The following TGFBRAP1 variants were observed in gnomAD, a reference collection of about 807,000 sequenced individuals.
The protein encoded by TGFBRAP1 is transforming growth factor beta receptor associated protein 1, also known as transforming growth factor-beta receptor-associated protein 1.
In TGFBRAP1, 20 loss-of-function variants were observed where a neutral mutation model predicts 83.2. The ratio of observed to expected loss-of-function variants is 0.24; its 90% CI spans 0.17 to 0.35. The LOEUF (loss-of-function observed/expected upper bound fraction) is 0.35. Ranked by LOEUF, TGFBRAP1 falls within the 10% of genes least tolerant of loss-of-function variation. The pLI is 1.00. For synonymous variants in TGFBRAP1, 415 were observed against 459.8 expected, an observed-to-expected ratio of 0.90 and a Z score of 1.25; for missense variants, 950 against 1,099.4, an observed-to-expected ratio of 0.86 and a Z score of 1.92.
chr2:105,276,207 C>T (rs180907505), intron 7 of TGFBRAP1, among the ~76,000 whole-genome samples: 91 of 152,302 alleles, frequency 6.0e-4, no homozygotes, highest in African/African-American at 2.1e-3. Context: ...TTCACACTGC[C>T]TTTTGCACAG....
intron 1 of TGFBRAP1, among the ~76,000 whole-genome samples, chr2:105,314,813 G>A (rs1678801204): frequency 6.6e-6 from 1 of 151,658 alleles, no homozygotes; most frequent in Non-Finnish European, 1.5e-5. Context: ...AGCCAGGCGT[G>A]GTGGCAGGCA....
intron 4 of TGFBRAP1, among the ~76,000 whole-genome samples, chr2:105,288,034 C>T (rs774559100): frequency 2.0e-5 from 3 of 151,938 alleles, no homozygotes; most frequent in Admixed American, 6.6e-5. Flanking sequence ...AGTGGTGAGG[C>T]GTGGATAAGG....
chr2:105,272,681 G>C (rs1346874999), intron 10 of TGFBRAP1, among the ~76,000 whole-genome samples, 174 bp downstream of exon 10: 1 of 152,026 alleles, frequency 6.6e-6, no homozygotes, highest in East Asian at 1.9e-4. Context: ...AGACCAGCCT[G>C]GGTGACAAAG....
chr2:105,308,018 C>T lies in TGFBRAP1; in HGVS notation c.284G>A (p.Cys95Tyr). 2 of 1,614,048 alleles carry T rather than the reference C, an allele frequency of 1.2e-6. No homozygotes were observed. Among genetic ancestry groups the T allele is most frequent in the Middle Eastern group, 1.7e-4 (1 of 6,058 alleles). Residue 95 changes from cysteine (C) to tyrosine (Y), a missense_variant, in exon 2 of 12, where the codon TGT (cysteine) becomes TAT (tyrosine). Physicochemically the swap from Cys to Tyr is radical, Grantham distance 194. Coordinates refer to ENST00000393359, the MANE Select transcript of TGFBRAP1 (RefSeq NM_004257.6). ...ASALNRLLVL[C>Y]DNSISLVNML... Reference sequence around the variant, plus strand: ...GTTGACCAGGCTGATGGAGTTGTCACACAGCACCAGCAGCCTGTTGAGTGC... The same window carrying T: ...GTTGACCAGGCTGATGGAGTTGTCATACAGCACCAGCAGCCTGTTGAGTGC...
intron 4 of TGFBRAP1, among the ~76,000 whole-genome samples, chr2:105,292,388 A>G (rs978852326): frequency 7.9e-5 from 12 of 152,238 alleles, no homozygotes; most frequent in African/African-American, 2.9e-4. Context: ...TGAGGAACAC[A>G]GGGGAAGAGT....
At chr2:105,300,882 T>C (rs1346606278) in intron 2 of TGFBRAP1, among the ~76,000 whole-genome samples, 1 of 152,204 alleles carries the variant, frequency 6.6e-6, no homozygotes, top group Non-Finnish European at 1.5e-5. Context: ...GAGGAAAAGA[T>C]AGACTCTTTA....
At chr2:105,260,857 T>C (rs1410629899), downstream of TGFBRAP1, among the ~76,000 whole-genome samples, 2 of 152,180 alleles carry the variant, frequency 1.3e-5, no homozygotes, top group African/African-American at 4.8e-5. Context: ...TATGATAACC[T>C]GTCTTTTTTG....
intron 2 of TGFBRAP1, among the ~76,000 whole-genome samples, chr2:105,299,847 C>T (rs1284645120): frequency 1.3e-5 from 2 of 152,056 alleles, no homozygotes; most frequent in Non-Finnish European, 2.9e-5. Flanking sequence ...AAGAGGAGTC[C>T]AGGACAAGCA....
intron 1 of TGFBRAP1, among the ~76,000 whole-genome samples, chr2:105,313,096 G>T (rs1035768335): frequency 4.6e-5 from 7 of 151,902 alleles, no homozygotes; most frequent in African/African-American, 1.7e-4. Context: ...TGGGCAACAA[G>T]AGTGAAACTC....
At chr2:105,256,685 G>C in the TGFBRAP1 span, among the ~76,000 whole-genome samples, 4 of 152,288 alleles carry the variant, frequency 2.6e-5, no homozygotes, top group East Asian at 7.7e-4. Flanking sequence ...TTCCATGTAT[G>C]TTAGTGTCAG....
At chr2:105,280,336 G>A in intron 6 of TGFBRAP1, 46 bp downstream of exon 6, 1 of 1,568,846 alleles carries the variant, frequency 6.4e-7, no homozygotes, top group Non-Finnish European at 8.7e-7. Flanking sequence ...CCTCAGTAAG[G>A]GTGCAGGGCG....
intron 1 of TGFBRAP1, among the ~76,000 whole-genome samples, chr2:105,328,596 C>A (rs1331652946): frequency 2.5e-4 from 38 of 152,330 alleles, no homozygotes. Flanking sequence ...CAAGCCAACA[C>A]ACACAACGCA....
At position 105,269,702 on chromosome 2, in the gene TGFBRAP1, C is replaced by G; in HGVS notation, c.1976G>C (p.Arg659Thr). 6.5e-7 allele frequency: 1 copy of G among 1,536,044 alleles called. No homozygotes were observed. The highest frequency in any genetic ancestry group is 8.8e-7 in the Non-Finnish European group (1 of 1,139,520). The change falls in exon 11 of 12, where the codon AGG becomes ACG. Residue 659 changes from arginine (R) to threonine (T), a missense_variant. By Grantham distance (71) the Arg-to-Thr change is moderately conservative. Coordinates refer to ENST00000393359, the MANE Select transcript of TGFBRAP1 (RefSeq NM_004257.6). The surrounding 1 kb of genome is among the most constrained non-coding windows in gnomAD (Gnocchi z 4.1). Reference protein sequence around the residue: ...DLYRVHFLLERLQGAGLPMES... With the variant: ...DLYRVHFLLETLQGAGLPMES... ...CATGGGCAGGCCAGCTCCCTGCAGC[C>G]TCTCTGCAAGACAGAACCTGCAGCT... is the stretch of plus-strand genomic sequence containing the variant.
chr2:105,269,193 A>C lies in TGFBRAP1; in HGVS notation c.2406+79T>G. 1 of 1,436,550 alleles carries C rather than the reference A, an allele frequency of 7.0e-7. No homozygotes were observed. The highest frequency in any genetic ancestry group is 9.2e-7 in the Non-Finnish European group (1 of 1,084,134). The allele number at this position is 1,436,550 out of a possible 1,614,324, so 89.0% of individuals were successfully genotyped here. A position where few individuals can be genotyped will look rare whatever the true frequency, so the allele number is the denominator to read the frequency against. On this transcript the variant is annotated intron_variant, in intron 11 of 11. Transcript: ENST00000393359. The surrounding 1 kb of genome is among the most constrained non-coding windows in gnomAD (Gnocchi z 4.1). ...ACAGAAAAAAGAAAAACCAACAAAGACTATTTTTCCATCAGTAAAATCTAC... is the reference window on the plus strand; with the variant it reads ...ACAGAAAAAAGAAAAACCAACAAAGCCTATTTTTCCATCAGTAAAATCTAC...
Position 105,316,462 on chromosome 2 carries a change from T to TGTGCGCGC in TGFBRAP1, c.-17-8145_-17-8144insGCGCGCAC, listed in dbSNP as rs1177329674. Among the ~76,000 whole-genome samples, 494 of 84,706 alleles carry TGTGCGCGC rather than the reference T, an allele frequency of 5.8e-3. 2 individuals are homozygous for TGTGCGCGC. Among genetic ancestry groups the TGTGCGCGC allele is most frequent in the Non-Finnish European group, 7.1e-3 (305 of 43,246 alleles). 55.6% of individuals were successfully genotyped at this position (84,706 alleles called of 152,430 possible). A position where few individuals can be genotyped will look rare whatever the true frequency, so the allele number is the denominator to read the frequency against. On this transcript the variant is annotated intron_variant, in intron 1 of 11. Coordinates refer to ENST00000393359, the MANE Select transcript of TGFBRAP1 (RefSeq NM_004257.6). ...GTGTGTGTGTGTGTGTGTGTGTGTG[T>TGTGCGCGC]GCGCGCGCGCGCGCGCGCACGCGCA...
At chr2:105,258,719 C>G in the TGFBRAP1 span, among the ~76,000 whole-genome samples, 3 of 137,836 alleles carry the variant, frequency 2.2e-5, no homozygotes, top group African/African-American at 8.0e-5. Context: ...CGCCCTTTCT[C>G]TCCCCACCCC....
intron 1 of TGFBRAP1, among the ~76,000 whole-genome samples, 165 bp downstream of exon 1, chr2:105,329,460 C>A (rs1366740204): frequency 6.7e-6 from 1 of 149,012 alleles, no homozygotes; most frequent in Non-Finnish European, 1.5e-5. Context: ...TTGCTCCCCC[C>A]ACCCCGCGTT....
rs1677636179 is a variant in TGFBRAP1, at chr2:105,284,186, C to T, written c.1121+130G>A. 1.4e-5 allele frequency: 11 copies of T among 813,596 alleles called. No homozygotes were observed. The East Asian group carries it at 2.8e-4, about 21-fold the overall frequency. 50.4% of individuals were successfully genotyped at this position (813,596 alleles called of 1,614,324 possible). A position where few individuals can be genotyped will look rare whatever the true frequency, so the allele number is the denominator to read the frequency against. ...GGCGGGGTCTGCTGTCACGAGCTACCCCCACCGTATCCACCTGAAGCACAA... is the reference window on the plus strand; with the variant it reads ...GGCGGGGTCTGCTGTCACGAGCTACTCCCACCGTATCCACCTGAAGCACAA... On this transcript the variant is annotated intron_variant, in intron 5 of 11. Transcript: ENST00000393359.
chr2:105,265,645 CAG>C lies in TGFBRAP1; in HGVS notation c.*1736_*1737del. 6.6e-6 allele frequency: 1 copy of C among 152,648 alleles called. No individual in the cohort carries two copies. Among genetic ancestry groups the C allele is most frequent in the African/African-American group, 2.4e-5 (1 of 41,430 alleles). The allele number at this position is 152,648 out of a possible 1,614,324, so 9.5% of individuals were successfully genotyped here. The stretch of plus-strand genomic sequence containing the variant: ...ATGCAGTAATATGACCATTCTACAA[CAG>C]AGTCACCCACAGGTAAAACACATGA... On this transcript the variant is annotated 3_prime_UTR_variant, in exon 12 of 12. Coordinates refer to ENST00000393359, the MANE Select transcript of TGFBRAP1 (RefSeq NM_004257.6).
Sources: allele counts gnomAD v4.1 joint callset (sites outside exome capture counted in the v4.1 genomes callset), GRCh38; gene constraint gnomAD v4.1.1; non-coding constraint Gnocchi (gnomAD v3.1); transcripts MANE v1.5; gene names NCBI Gene and HGNC (gene_info 2026-07-23, HGNC 2026-07-21).